Variants in SLC67A1 observed in about 807,000 individuals in gnomAD.
SLC67A1 encodes the protein solute carrier family 67 member A1.
the SLC67A1 span, chr11:2,918,111 T>C: frequency 1.3e-6 from 2 of 1,598,830 alleles, no homozygotes; most frequent in East Asian, 2.2e-5. Flanking sequence ...TCCCAACTAC[T>C]GCCCCAACAG....
At chr11:2,904,370 T>A in the SLC67A1 span, among the ~76,000 whole-genome samples, 230 of 152,234 alleles carry the variant, frequency 1.5e-3, no homozygotes, top group African/African-American at 5.3e-3. Flanking sequence ...AGCCCGAGGG[T>A]GAGCCTAAGG....
chr11:2,908,574 C>T, the SLC67A1 span, among the ~76,000 whole-genome samples: 45 of 152,342 alleles, frequency 3.0e-4, no homozygotes, highest in African/African-American at 1.1e-3. Context: ...CTGGTGAACA[C>T]CTCGTGGCTG....
At chr11:2,913,607 A>G in the SLC67A1 span, among the ~76,000 whole-genome samples, 1 of 152,204 alleles carries the variant, frequency 6.6e-6, no homozygotes, top group Non-Finnish European at 1.5e-5. Context: ...TTCTAACTGC[A>G]GCATCCTGGA....
the SLC67A1 span, among the ~76,000 whole-genome samples, chr11:2,907,664 G>A: frequency 1.3e-5 from 2 of 152,238 alleles, no homozygotes; most frequent in African/African-American, 2.4e-5. This position sits in a 1 kb window ranked among gnomAD's most constrained non-coding sequence, Gnocchi z 6.7. Flanking sequence ...AAGGAGAGTC[G>A]GGAACTCAGA....
chr11:2,902,008 G>T, the SLC67A1 span, among the ~76,000 whole-genome samples: 1 of 152,222 alleles, frequency 6.6e-6, no homozygotes, highest in African/African-American at 2.4e-5. Flanking sequence ...GCTGCCTGAG[G>T]GTCAGAGTGT....
the SLC67A1 span, chr11:2,909,656 G>T: frequency 6.5e-7 from 1 of 1,538,890 alleles, no homozygotes. Flanking sequence ...CTCTGCTTCG[G>T]CGTCGGAGTC....
chr11:2,902,771 C>G, the SLC67A1 span: 1 of 982,562 alleles, frequency 1.0e-6, no homozygotes, highest in East Asian at 1.1e-4. Context: ...CTCCCCTACG[C>G]AAGACCATTC....
chr11:2,906,656 A>G, the SLC67A1 span, among the ~76,000 whole-genome samples: 5 of 147,530 alleles, frequency 3.4e-5, no homozygotes, highest in African/African-American at 1.0e-4. Flanking sequence ...ATAGGTGGGA[A>G]TTGAACAATG....
At chr11:2,917,920 T>G in the SLC67A1 span, 3 of 1,301,862 alleles carry the variant, frequency 2.3e-6, no homozygotes, top group African/African-American at 4.4e-5. Flanking sequence ...TGGCGAGGCC[T>G]GCAGCCGGGC....
chr11:2,900,391 C>A, the SLC67A1 span, among the ~76,000 whole-genome samples: 1 of 152,046 alleles, frequency 6.6e-6, no homozygotes, highest in Non-Finnish European at 1.5e-5. Context: ...GAACAAAGAC[C>A]CAAAGATATG....
the SLC67A1 span, among the ~76,000 whole-genome samples, chr11:2,911,024 C>A: frequency 2.6e-5 from 4 of 152,062 alleles, no homozygotes; most frequent in Admixed American, 6.5e-5. Flanking sequence ...GTCCTGGGAG[C>A]CAAGGGCCAC....
chr11:2,906,423 T>C, the SLC67A1 span, among the ~76,000 whole-genome samples: 1 of 152,190 alleles, frequency 6.6e-6, no homozygotes, highest in Non-Finnish European at 1.5e-5. Flanking sequence ...TGCACACGTA[T>C]GTTTATCGCG....
the SLC67A1 span, chr11:2,908,447 G>C: frequency 2.8e-6 from 2 of 707,506 alleles, no homozygotes; most frequent in Non-Finnish European, 4.6e-6. Context: ...CTGGGATGAC[G>C]GCACTCCTGT....
the SLC67A1 span, chr11:2,920,131 C>G: frequency 6.6e-6 from 1 of 152,486 alleles, no homozygotes; most frequent in Non-Finnish European, 1.5e-5. Context: ...GGTGGGGGCT[C>G]TCGGCCTCTC....
the SLC67A1 span, chr11:2,916,565 C>T: frequency 3.0e-6 from 4 of 1,330,234 alleles, no homozygotes; most frequent in Admixed American, 1.8e-5. Context: ...GGGGATGTGG[C>T]TGGGGCGCCT....
the SLC67A1 span, chr11:2,903,394 A>T: frequency 6.2e-7 from 1 of 1,612,928 alleles, no homozygotes; most frequent in African/African-American, 1.3e-5. Flanking sequence ...CCCCGGCAGG[A>T]TGAGCGCTCT....
the SLC67A1 span, chr11:2,925,004 C>T: frequency 6.2e-6 from 10 of 1,605,476 alleles, no homozygotes; most frequent in South Asian, 8.9e-5. The surrounding 1 kb of genome is among the most constrained non-coding windows in gnomAD (Gnocchi z 6.5). Context: ...CCCATGCACC[C>T]CCCAGGGACC....
the SLC67A1 span, among the ~76,000 whole-genome samples, chr11:2,917,257 C>A: frequency 6.6e-6 from 1 of 152,226 alleles, no homozygotes; most frequent in Non-Finnish European, 1.5e-5. Flanking sequence ...GAACGCAGCC[C>A]CTTTGTGCCA....
At chr11:2,917,779 G>A in the SLC67A1 span, among the ~76,000 whole-genome samples, 480 of 152,364 alleles carry the variant, frequency 3.2e-3, 4 homozygotes, top group African/African-American at 0.011. Flanking sequence ...CTAGGAATGC[G>A]TAGAAGTGTG....
Sources: gnomAD v4.1 joint callset for allele counts (sites outside exome capture counted in the v4.1 genomes callset) on GRCh38, gnomAD v4.1.1 for gene constraint, Gnocchi (gnomAD v3.1) non-coding constraint, MANE v1.5 for transcripts, NCBI Gene and HGNC (gene_info 2026-07-23, HGNC 2026-07-21) for gene names.